The following OCM variants were observed in gnomAD, a reference collection of about 807,000 sequenced individuals.
OCM encodes the protein oncomodulin.
In OCM, 18 loss-of-function variants were observed where a neutral mutation model predicts 14.1. The ratio of observed to expected loss-of-function variants is 1.28; its 90% CI spans 0.88 to 1.89. The LOEUF is 1.89. Among genes scored for constraint, OCM ranks in the 40% most tolerant of loss-of-function variants. OCM has a pLI of 0.00. For synonymous variants in OCM, 48 were observed against 51.0 expected (o/e 0.94, Z 0.25); for missense variants, 140 against 137.6 (o/e 1.02, Z -0.09).
chr7:5,877,030 T>C (rs547201716), upstream of OCM, among the ~76,000 whole-genome samples: 2 of 152,196 alleles, frequency 1.3e-5, no homozygotes, highest in East Asian at 1.9e-4. Context: ...GGTCTTGAAC[T>C]CCCAACCTCA....
chr7:5,879,614 A>G (rs916089162), upstream of OCM, among the ~76,000 whole-genome samples: 2 of 151,826 alleles, frequency 1.3e-5, no homozygotes, highest in African/African-American at 2.4e-5. Context: ...CTTACCAGGC[A>G]TCTAGAACCT....
At chr7:5,874,429 A>C in the OCM span, among the ~76,000 whole-genome samples, 1 of 152,110 alleles carries the variant, frequency 6.6e-6, no homozygotes, top group East Asian at 1.9e-4. Flanking sequence ...CATTATGCAT[A>C]TGCAACATAT....
the OCM span, among the ~76,000 whole-genome samples, chr7:5,864,962 T>TA: frequency 2.7e-5 from 4 of 150,334 alleles, no homozygotes; most frequent in Non-Finnish European, 5.9e-5. Flanking sequence ...ACTAGGGAAA[T>TA]AGAGTGTGAT....
At chr7:5,884,978 G>C (rs1354194688) in intron 3 of OCM, among the ~76,000 whole-genome samples, 1 of 151,938 alleles carries the variant, frequency 6.6e-6, no homozygotes, top group African/African-American at 2.4e-5. Flanking sequence ...AAATTAGCCG[G>C]TCATGGTGGT....
chr7:5,871,076 G>A, the OCM span, among the ~76,000 whole-genome samples: 1 of 152,028 alleles, frequency 6.6e-6, no homozygotes, highest in African/African-American at 2.4e-5. Context: ...GCCAGGCGCA[G>A]TGGCTCACAC....
At chr7:5,866,766 T>G in the OCM span, among the ~76,000 whole-genome samples, 1 of 152,144 alleles carries the variant, frequency 6.6e-6, no homozygotes, top group Non-Finnish European at 1.5e-5. Flanking sequence ...CTGCATTTCC[T>G]AAATTTCCCC....
the OCM span, among the ~76,000 whole-genome samples, chr7:5,860,815 T>C: frequency 9.7e-4 from 137 of 140,590 alleles, 7 homozygotes; most frequent in African/African-American, 3.2e-3. Flanking sequence ...CATACACACA[T>C]ACATATATAT....
At chr7:5,880,066 G>A (rs1275167368), upstream of OCM, 1 of 152,182 alleles carries the variant, frequency 6.6e-6, no homozygotes, top group Admixed American at 6.5e-5. Context: ...TCTGACACCT[G>A]GAAGGATTTT....
chr7:5,865,960 T>G, the OCM span, among the ~76,000 whole-genome samples: 1 of 150,934 alleles, frequency 6.6e-6, no homozygotes, highest in Non-Finnish European at 1.5e-5. Context: ...TTTTAATCAC[T>G]TCAGTCCCAT....
the OCM span, among the ~76,000 whole-genome samples, chr7:5,860,465 G>A: frequency 1.1e-4 from 4 of 36,004 alleles, no homozygotes; most frequent in African/African-American, 3.7e-4. Flanking sequence ...ATATTATTAC[G>A]TATATATACG....
chr7:5,869,500 A>C, the OCM span, among the ~76,000 whole-genome samples: 4 of 152,160 alleles, frequency 2.6e-5, no homozygotes, highest in Non-Finnish European at 5.9e-5. Context: ...CAGGAGGGTG[A>C]GACAGAAGAA....
the OCM span, among the ~76,000 whole-genome samples, chr7:5,860,245 A>G: frequency 5.1e-3 from 772 of 151,764 alleles, 18 homozygotes; most frequent in East Asian, 0.076. Flanking sequence ...AGCCGCTCAC[A>G]TTTCTTGTTC....
At chr7:5,874,506 CT>C in the OCM span, among the ~76,000 whole-genome samples, 2 of 150,888 alleles carry the variant, frequency 1.3e-5, no homozygotes, top group East Asian at 1.9e-4. Flanking sequence ...TAATAATTTT[CT>C]TTTTTTTTCT....
the OCM span, among the ~76,000 whole-genome samples, chr7:5,869,206 C>T: frequency 6.6e-6 from 1 of 152,192 alleles, no homozygotes; most frequent in Non-Finnish European, 1.5e-5. Context: ...ACTCAGGAAG[C>T]ATGAGTGTTC....
the OCM span, among the ~76,000 whole-genome samples, chr7:5,871,542 A>G: frequency 1.5e-3 from 234 of 152,132 alleles, 1 homozygote; most frequent in African/African-American, 5.2e-3. Flanking sequence ...AGTTGTTGCC[A>G]TGGTTAAATG....
Position 5,882,494 on chromosome 7 carries a change from C to T in OCM, c.63C>T (p.Asp21=). 1 of 1,614,036 alleles carries T rather than the reference C, an allele frequency of 6.2e-7. No individual in the cohort carries two copies. The highest frequency in any genetic ancestry group is 8.5e-7 in the Non-Finnish European group (1 of 1,179,932). ...DIAAALQECR[D]PDTFEPQKFF... is the part of the protein sequence containing the mutation. ...AATAACCAATTCTCTGTTCTTCAGA[C>T]CCAGACACTTTTGAACCCCAAAAAT... is the stretch of plus-strand genomic sequence containing the variant. The change falls in exon 2 of 4, where the codon GAC becomes GAT. Residue 21 remains aspartate, a splice_region_variant and synonymous_variant. Coordinates refer to ENST00000242104, the MANE Select transcript of OCM (RefSeq NM_001097622.2).
chr7:5,876,362 G>A (rs1781095986), upstream of OCM, among the ~76,000 whole-genome samples: 1 of 152,008 alleles, frequency 6.6e-6, no homozygotes, highest in South Asian at 2.1e-4. Context: ...TGTTGTCCAG[G>A]CTAGTCTTAA....
upstream of OCM, among the ~76,000 whole-genome samples, chr7:5,878,875 T>TAAA (rs57901741): frequency 1.1e-3 from 108 of 102,010 alleles, no homozygotes; most frequent in South Asian, 4.1e-3. Flanking sequence ...TGCTGAAAGT[T>TAAA]AAAAAAAAAA....
intron 3 of OCM, among the ~76,000 whole-genome samples, chr7:5,885,078 C>T (rs1305834206): frequency 2.0e-5 from 3 of 151,088 alleles, no homozygotes; most frequent in Non-Finnish European, 4.4e-5. Flanking sequence ...CAAGATGGCA[C>T]CATTGCACTC....
Sources: gnomAD v4.1 joint callset for allele counts (sites outside exome capture counted in the v4.1 genomes callset) on GRCh38, gnomAD v4.1.1 for gene constraint, MANE v1.5 for transcripts, NCBI Gene and HGNC (gene_info 2026-07-23, HGNC 2026-07-21) for gene names.